RLF: variants seen among roughly 807,000 people sequenced by gnomAD.
The protein encoded by RLF is RLF zinc finger, also known as zinc finger protein Rlf.
In RLF, 7 loss-of-function variants were observed where a neutral mutation model predicts 162.9. The observed-to-expected ratio is 0.04, with a 90% CI of 0.02 to 0.08. The LOEUF is 0.08. Among genes scored for constraint, RLF ranks in the 10% least tolerant of loss-of-function variants. The pLI, the probability that RLF is intolerant of heterozygous loss-of-function variation, is 1.00. For missense variants in RLF, 1,664 were observed against 2,244.7 expected, an observed-to-expected ratio of 0.74 and a Z score of 5.23; for synonymous variants, 782 against 791.5, an observed-to-expected ratio of 0.99 and a Z score of 0.20.
At chr1:40,175,889 CT>C (rs1642318789) in intron 1 of RLF, among the ~76,000 whole-genome samples, 1 of 151,922 alleles carries the variant, frequency 6.6e-6, no homozygotes, top group African/African-American at 2.4e-5. Context: ...AAGTTTCTTC[CT>C]ACTGCTTTGT....
intron 6 of RLF, among the ~76,000 whole-genome samples, chr1:40,223,870 C>T (rs998680545): frequency 6.6e-6 from 1 of 152,226 alleles, no homozygotes; most frequent in African/African-American, 2.4e-5. Flanking sequence ...TGCTTTTCTT[C>T]TGTATACTTG....
rs747812681 is a variant in RLF, at chr1:40,237,757, A to G, written c.3055A>G (p.Asn1019Asp). The change falls in exon 8 of 8, where the codon AAC (asparagine) becomes GAC (aspartate). Residue 1019 changes from asparagine (N) to aspartate (D), a missense_variant. This residue lies in a region of RLF where 295 missense variants were observed against 317.4 expected (regional missense o/e 0.93). Coordinates refer to ENST00000372771, the MANE Select transcript of RLF (RefSeq NM_012421.4). This position sits in a 1 kb window ranked among gnomAD's most constrained non-coding sequence, Gnocchi z 4.4. ...DAEPKPCSDT[N>D]SDSPDEGLDH... ...AGAACCTAAACCCTGCTCAGATACAAACAGTGACTCCCCAGATGAAGGTCT... is the reference window on the plus strand; with the variant it reads ...AGAACCTAAACCCTGCTCAGATACAGACAGTGACTCCCCAGATGAAGGTCT... 6.2e-7 allele frequency: 1 copy of G among 1,614,088 alleles called. No individual in the cohort carries two copies. The highest frequency in any genetic ancestry group is 8.5e-7 in the Non-Finnish European group (1 of 1,180,014).
At chr1:40,202,359 C>CT in intron 4 of RLF, 53 bp from the exon 5 acceptor site, 1 of 1,148,876 alleles carries the variant, frequency 8.7e-7, no homozygotes, top group Non-Finnish European at 1.2e-6. Flanking sequence ...CTTAGCAAGT[C>CT]TGACATGTTA....
intron 1 of RLF, among the ~76,000 whole-genome samples, chr1:40,166,485 C>T (rs537765222): frequency 2.6e-5 from 4 of 151,978 alleles, no homozygotes; most frequent in Non-Finnish European, 5.9e-5. Flanking sequence ...ACCATTTGAC[C>T]CAGCCATCCC....
intron 7 of RLF, among the ~76,000 whole-genome samples, chr1:40,233,413 C>A (rs905039630): frequency 5.3e-5 from 8 of 152,192 alleles, no homozygotes; most frequent in African/African-American, 1.9e-4. Context: ...TTGCTGTCCA[C>A]CTCACAGTCT....
At chr1:40,201,559 G>GA (rs1295911654) in intron 4 of RLF, among the ~76,000 whole-genome samples, 1 of 150,390 alleles carries the variant, frequency 6.6e-6, no homozygotes, top group Non-Finnish European at 1.5e-5. Context: ...CCGGGAGGCG[G>GA]AGCTTGCAGT....
chr1:40,235,180 A>G (rs1212891631), intron 7 of RLF, among the ~76,000 whole-genome samples: 1 of 149,190 alleles, frequency 6.7e-6, no homozygotes, highest in Admixed American at 6.9e-5. Context: ...CTGCTGCCTC[A>G]GCCTCCGAGT....
intron 1 of RLF, among the ~76,000 whole-genome samples, chr1:40,182,881 T>C (rs374919726): frequency 3.9e-5 from 6 of 152,288 alleles, no homozygotes; most frequent in African/African-American, 1.4e-4. Flanking sequence ...GCAGCATATG[T>C]TAAAGACTTA....
intron 1 of RLF, among the ~76,000 whole-genome samples, chr1:40,178,464 C>T (rs769014736): frequency 5.9e-5 from 9 of 152,022 alleles, no homozygotes; most frequent in Admixed American, 5.2e-4. Flanking sequence ...GACAGGAGTT[C>T]AGTGGGTAGA....
At chr1:40,197,693 T>C (rs1209231851) in intron 4 of RLF, among the ~76,000 whole-genome samples, 1 of 152,246 alleles carries the variant, frequency 6.6e-6, no homozygotes, top group African/African-American at 2.4e-5. Flanking sequence ...TCACTATCTT[T>C]AAGACTCTGA....
At chr1:40,219,030 A>G (rs947872342) in intron 5 of RLF, among the ~76,000 whole-genome samples, 1 of 152,200 alleles carries the variant, frequency 6.6e-6, no homozygotes, top group African/African-American at 2.4e-5. Context: ...TAAAACTCTC[A>G]AAAGTTTGTT....
chr1:40,186,621 T>C (rs75148596), intron 1 of RLF, among the ~76,000 whole-genome samples: 22 of 152,348 alleles, frequency 1.4e-4, no homozygotes, highest in Admixed American at 5.2e-4. Context: ...CATACTTTAG[T>C]TAGCAGTTGG....
At chr1:40,210,499 T>G (rs1227835091) in intron 5 of RLF, among the ~76,000 whole-genome samples, 1 of 152,182 alleles carries the variant, frequency 6.6e-6, no homozygotes, top group African/African-American at 2.4e-5. Flanking sequence ...TGAAGTCTTG[T>G]GAGAAATAAG....
chr1:40,187,393 A>G (rs1157111767), intron 1 of RLF, among the ~76,000 whole-genome samples: 1 of 152,164 alleles, frequency 6.6e-6, no homozygotes, highest in African/African-American at 2.4e-5. Context: ...TTCTTTCTCT[A>G]CTAATTCAGC....
chr1:40,166,726 CCAT>C (rs1371035337), intron 1 of RLF, among the ~76,000 whole-genome samples: 2 of 151,760 alleles, frequency 1.3e-5, no homozygotes, highest in African/African-American at 4.8e-5. Flanking sequence ...AAGCTGGAAA[CCAT>C]CATTCTGAGC....
At chr1:40,195,865 CTT>C (rs1642629001) in intron 4 of RLF, 101 bp downstream of exon 4, 16 of 1,034,992 alleles carry the variant, frequency 1.5e-5, no homozygotes, top group Admixed American at 2.6e-5. Flanking sequence ...TATATCTAGT[CTT>C]TCTGTTTTTA....
chr1:40,191,726 C>T (rs1014823685), intron 3 of RLF, among the ~76,000 whole-genome samples: 15 of 151,990 alleles, frequency 9.9e-5, no homozygotes, highest in African/African-American at 3.6e-4. Flanking sequence ...TAATAGGACT[C>T]GTCTCTAAAA....
intron 5 of RLF, among the ~76,000 whole-genome samples, chr1:40,215,230 A>G (rs1392010330): frequency 6.6e-6 from 1 of 152,194 alleles, no homozygotes; most frequent in African/African-American, 2.4e-5. Flanking sequence ...TAATGGGTAG[A>G]ACAACTAGGC....
chr1:40,200,198 C>G (rs1642692745), intron 4 of RLF, among the ~76,000 whole-genome samples: 1 of 152,218 alleles, frequency 6.6e-6, no homozygotes, highest in South Asian at 2.1e-4. Flanking sequence ...AGAGTTGGAG[C>G]TCTGGAATCC....
Sources: allele counts gnomAD v4.1 joint callset (sites outside exome capture counted in the v4.1 genomes callset), GRCh38; gene constraint gnomAD v4.1.1; regional missense constraint gnomAD v4.1.1; non-coding constraint Gnocchi (gnomAD v3.1); transcripts MANE v1.5; gene names NCBI Gene and HGNC (gene_info 2026-07-23, HGNC 2026-07-21).